The following PRKAR1A variants were observed in gnomAD, a reference collection of about 807,000 sequenced individuals.
PRKAR1A encodes cAMP-dependent protein kinase type I-alpha regulatory subunit.
In PRKAR1A, 3 loss-of-function variants were observed where a neutral mutation model predicts 52.0. The observed-to-expected ratio is 0.06, with a 90% CI of 0.03 to 0.15. The LOEUF is 0.15. PRKAR1A is among the 10% of genes least tolerant of loss of function. The probability of loss-of-function intolerance (pLI) is 1.00; values close to 1 mark genes in which losing one functional copy is unlikely to be tolerated. For missense variants in PRKAR1A, 240 were observed against 477.4 expected (o/e 0.50, Z 4.63); for synonymous variants, 188 against 168.4 (o/e 1.12, Z -0.90).
the PRKAR1A span, chr17:68,450,599 G>T: frequency 8.0e-7 from 1 of 1,247,928 alleles, no homozygotes. Context: ...GGGACACGGG[G>T]CCTGAGTGTT....
At chr17:68,522,641 C>A in intron 2 of PRKAR1A, 115 bp from the exon 3 acceptor site, 2 of 1,125,474 alleles carry the variant, frequency 1.8e-6, no homozygotes, top group Non-Finnish European at 2.5e-6. Flanking sequence ...TCTTAACTTA[C>A]ATTGTTAATG....
chr17:68,450,563 G>A, the PRKAR1A span, among the ~76,000 whole-genome samples: 2 of 152,332 alleles, frequency 1.3e-5, no homozygotes, highest in East Asian at 3.9e-4. Flanking sequence ...CCAGCACCTG[G>A]AGTAGACTCT....
chr17:68,419,387 C>A, the PRKAR1A span, among the ~76,000 whole-genome samples: 1 of 151,956 alleles, frequency 6.6e-6, no homozygotes, highest in African/African-American at 2.4e-5. Flanking sequence ...ACCAGCCTGG[C>A]CAATATGGTG....
chr17:68,502,228 C>G, the PRKAR1A span, among the ~76,000 whole-genome samples: 3 of 152,160 alleles, frequency 2.0e-5, no homozygotes, highest in Admixed American at 2.0e-4. Flanking sequence ...TCAGTAAATC[C>G]CCACAGCTAT....
At chr17:68,490,543 A>G in the PRKAR1A span, among the ~76,000 whole-genome samples, 2 of 152,120 alleles carry the variant, frequency 1.3e-5, no homozygotes, top group Non-Finnish European at 2.9e-5. Flanking sequence ...TGAGTTTTGT[A>G]ATTTCCTTCC....
the PRKAR1A span, among the ~76,000 whole-genome samples, chr17:68,450,385 C>T: frequency 6.6e-6 from 1 of 152,162 alleles, no homozygotes; most frequent in Non-Finnish European, 1.5e-5. Context: ...AAGAGTCGCT[C>T]CTCTGATTTA....
rs1023798337 is a variant in PRKAR1A, at chr17:68,516,002, G to T, written c.177+426G>T. ...ATCCCACTTTTAAAACTAGTGTAAT[G>T]AAACATGAATCTAGCTTGTGACTGA... On this transcript the variant is annotated intron_variant, in intron 2 of 10. Coordinates refer to ENST00000589228, the MANE Select transcript of PRKAR1A (RefSeq NM_002734.5). Among the ~76,000 whole-genome samples, 4 of 152,152 alleles carry T rather than the reference G, an allele frequency of 2.6e-5. No homozygotes were observed. The East Asian group carries it at 5.8e-4, about 22-fold the overall frequency.
At chr17:68,547,340 T>C (rs2086617858) in intron 11 of PRKAR1A, among the ~76,000 whole-genome samples, 1 of 152,252 alleles carries the variant, frequency 6.6e-6, no homozygotes, top group South Asian at 2.1e-4. Context: ...GTTACATATG[T>C]ATACATGTGT....
the PRKAR1A span, among the ~76,000 whole-genome samples, chr17:68,455,497 A>C: frequency 1.3e-5 from 2 of 152,170 alleles, no homozygotes; most frequent in African/African-American, 4.8e-5. Context: ...TTCAGCCTAC[A>C]TTTATAGAAA....
chr17:68,524,789 T>C (rs2085731777), intron 5 of PRKAR1A, 123 bp from the exon 6 acceptor site: 1 of 769,476 alleles, frequency 1.3e-6, no homozygotes, highest in Admixed American at 2.1e-5. Context: ...CCCTGAAAGA[T>C]TGTGTTAGTT....
chr17:68,529,413 A>T (rs1410322862), intron 9 of PRKAR1A, among the ~76,000 whole-genome samples: 1 of 152,220 alleles, frequency 6.6e-6, no homozygotes, highest in Non-Finnish European at 1.5e-5. Flanking sequence ...TGTATAGCAG[A>T]TACTCTTGCT....
chr17:68,542,916 AG>A, intron 11 of PRKAR1A: 1 of 865,056 alleles, frequency 1.2e-6, no homozygotes, highest in Non-Finnish European at 1.9e-6. Context: ...TGTACCCAGG[AG>A]GGTGGCCGGT....
the PRKAR1A span, chr17:68,421,929 C>A: frequency 1.4e-6 from 2 of 1,446,520 alleles, no homozygotes; most frequent in Non-Finnish European, 1.9e-6. Context: ...AGAGGCTGGG[C>A]ACTGTGGAAT....
At chr17:68,539,659 C>T (rs977920921) in intron 11 of PRKAR1A, among the ~76,000 whole-genome samples, 3 of 152,240 alleles carry the variant, frequency 2.0e-5, no homozygotes, top group Non-Finnish European at 4.4e-5. Context: ...AAACCTCACC[C>T]TATTTCACTA....
At chr17:68,541,931 A>C in intron 11 of PRKAR1A, 1 of 1,568,710 alleles carries the variant, frequency 6.4e-7, no homozygotes, top group Non-Finnish European at 8.7e-7. Flanking sequence ...TCCCTGGTAC[A>C]GGGTCTGTGG....
At chr17:68,541,122 G>T (rs767826003) in intron 11 of PRKAR1A, 10 of 974,126 alleles carry the variant, frequency 1.0e-5, no homozygotes, top group South Asian at 1.6e-5. Context: ...GACGCGTAAG[G>T]CTGCATATTC....
rs1568697385 is a variant in PRKAR1A at position 68,524,893 on chromosome 17, C to A, written c.503-19C>A. 6.3e-7 allele frequency: 1 copy of A among 1,591,252 alleles called. No homozygotes were observed. The highest frequency in any genetic ancestry group is 1.1e-5 in the South Asian group (1 of 90,576). Reference sequence around the variant, plus strand: ...TCTTTAATTTGGAATATGCTTCTAACTTTTTTACCCTCTTTTAGGTGATGA... The same window carrying A: ...TCTTTAATTTGGAATATGCTTCTAAATTTTTTACCCTCTTTTAGGTGATGA... On this transcript the variant is annotated intron_variant, in intron 5 of 10. Transcript: ENST00000589228.
the PRKAR1A span, among the ~76,000 whole-genome samples, chr17:68,491,488 T>A: frequency 6.6e-6 from 1 of 152,130 alleles, no homozygotes; most frequent in Non-Finnish European, 1.5e-5. Context: ...GGGCTGGACT[T>A]CCCTCCCTGC....
the PRKAR1A span, among the ~76,000 whole-genome samples, chr17:68,460,598 C>CATCTCA: frequency 6.6e-6 from 1 of 152,212 alleles, no homozygotes; most frequent in African/African-American, 2.4e-5. Context: ...GTGGAAATAA[C>CATCTCA]ATCTCAGGGC....
Sources: gnomAD v4.1 joint callset for allele counts (sites outside exome capture counted in the v4.1 genomes callset) on GRCh38, gnomAD v4.1.1 for gene constraint, MANE v1.5 for transcripts, NCBI Gene and HGNC (gene_info 2026-07-23, HGNC 2026-07-21) for gene names.